The following ASMTL variants were observed in gnomAD, a reference collection of about 807,000 sequenced individuals.
ASMTL encodes the protein acetylserotonin O-methyltransferase like.
In ASMTL, 57 loss-of-function variants were observed where a neutral mutation model predicts 60.3. That is an observed-to-expected ratio of 0.95 (90% CI 0.76 to 1.18). ASMTL has a LOEUF of 1.18. Among genes scored for constraint, ASMTL ranks in the 50% most tolerant of loss-of-function variants. ASMTL has a pLI of 0.00. For synonymous variants in ASMTL, 419 were observed against 373.0 expected (o/e 1.12, Z -1.42); for missense variants, 981 against 852.6 (o/e 1.15, Z -1.88).
At chrX:1,404,341 GATGA>G (rs2089717274) in intron 12 of ASMTL, among the ~76,000 whole-genome samples, 1 of 151,096 alleles carries the variant, frequency 6.6e-6, no homozygotes, top group Non-Finnish European at 1.5e-5. Context: ...TGGATGGATA[GATGA>G]ATGCATGGAT....
intron 1 of ASMTL, among the ~76,000 whole-genome samples, chrX:1,443,613 G>A (rs868857735): frequency 0.019 from 77 of 3,974 alleles, 2 homozygotes; most frequent in Admixed American, 0.061. Context: ...CACCGCCATC[G>A]TGGACAGACA....
At chrX:1,413,072 C>A (rs1171813889) in intron 11 of ASMTL, 2 of 580,326 alleles carry the variant, frequency 3.4e-6, no homozygotes, top group Non-Finnish European at 6.2e-6. Flanking sequence ...TTGACTCGGG[C>A]TGAGAAAACG....
At chrX:1,429,898 C>G (rs1304446284) in intron 6 of ASMTL, among the ~76,000 whole-genome samples, 1 of 152,102 alleles carries the variant, frequency 6.6e-6, no homozygotes, top group African/African-American at 2.4e-5. Flanking sequence ...TGTACCTATT[C>G]TGTGTGTGTG....
intron 1 of ASMTL, among the ~76,000 whole-genome samples, chrX:1,449,726 TCACCAGTAACTATCC>T (rs2091309281): frequency 7.0e-5 from 8 of 114,162 alleles, no homozygotes; most frequent in African/African-American, 2.6e-4. Context: ...CTATCCACCA[TCACCAGTAACTATCC>T]CCCATCACCA....
upstream of ASMTL, among the ~76,000 whole-genome samples, chrX:1,453,226 C>T (rs111550929): frequency 0.14 from 20,802 of 149,298 alleles, 1,508 homozygotes; most frequent in Middle Eastern, 0.23. Flanking sequence ...GTCACGCCGC[C>T]ATTGACCGCT....
At chrX:1,430,563 G>GA (rs2090742458) in intron 6 of ASMTL, among the ~76,000 whole-genome samples, 1 of 151,894 alleles carries the variant, frequency 6.6e-6, no homozygotes, top group African/African-American at 2.4e-5. Flanking sequence ...CTGAGCCCAG[G>GA]AGTTCAAGAC....
chrX:1,424,865 CCCAT>C (rs1185160166), intron 8 of ASMTL, among the ~76,000 whole-genome samples: 4 of 134,426 alleles, frequency 3.0e-5, no homozygotes, highest in African/African-American at 7.9e-5. Flanking sequence ...CACCCACCCA[CCCAT>C]CCATCCACCC....
chrX:1,435,598 A>G (rs1337374249), intron 4 of ASMTL, 96 bp downstream of exon 4: 9 of 1,190,050 alleles, frequency 7.6e-6, no homozygotes, highest in Non-Finnish European at 1.1e-5. Context: ...CAGAGCTGAC[A>G]GAGATCCACC....
intron 3 of ASMTL, among the ~76,000 whole-genome samples, chrX:1,436,648 G>A (rs113255088): frequency 0.016 from 2,475 of 151,712 alleles, 29 homozygotes; most frequent in Middle Eastern, 0.024. Flanking sequence ...CACCGCACCC[G>A]GCCAGCCTCA....
chrX:1,432,330 C>G lies in ASMTL; in HGVS notation c.448G>C (p.Val150Leu). Residue 150 changes from valine to leucine, a missense_variant, in exon 6 of 13, where the codon GTG becomes CTG. By Grantham distance (32) the Val-to-Leu change is conservative (BLOSUM62 1). Coordinates refer to ENST00000381317, the MANE Select transcript of ASMTL (RefSeq NM_004192.4). ...TCCTCGGACAGCTCCGAGAACTTCA[C>G]CTTCGTTTCCTCGTAGAATTCCGAG... The part of the protein sequence containing the change: ...RVSEFYEETK[V>L]KFSELSEELL... The G allele has an allele frequency of 3.1e-6, 5 of 1,613,400 alleles. No homozygotes were observed. The highest frequency in any genetic ancestry group is 4.2e-6 in the Non-Finnish European group (5 of 1,179,796).
chrX:1,403,571 C>A (rs188304838), intron 12 of ASMTL, 82 bp from the exon 13 acceptor site: 17 of 1,312,576 alleles, frequency 1.3e-5, no homozygotes, highest in Non-Finnish European at 1.2e-5. Flanking sequence ...CAGCAGGCAA[C>A]AGGAGCTCAG....
At chrX:1,436,101 C>A (rs2090957175) in intron 3 of ASMTL, among the ~76,000 whole-genome samples, 1 of 152,144 alleles carries the variant, frequency 6.6e-6, no homozygotes, top group African/African-American at 2.4e-5. Context: ...ACGTGTGGTC[C>A]TCCGGGGCTG....
chrX:1,452,224 G>C (rs1273779148), intron 1 of ASMTL, among the ~76,000 whole-genome samples: 3 of 146,602 alleles, frequency 2.0e-5, no homozygotes, highest in Non-Finnish European at 4.5e-5. Flanking sequence ...GGGGGTCCCG[G>C]GTTACTCTCC....
intron 3 of ASMTL, among the ~76,000 whole-genome samples, chrX:1,438,052 G>T (rs2091016712): frequency 6.6e-6 from 1 of 151,898 alleles, no homozygotes; most frequent in South Asian, 2.1e-4. Flanking sequence ...ACTGTGGGAG[G>T]CTAAGGTGGG....
Position 1,442,229 on chromosome X carries a change from G to A in ASMTL, c.182C>T (p.Thr61Ile). The change falls in exon 2 of 13, where the codon ACC (threonine) becomes ATC (isoleucine). Residue 61 changes from threonine (T) to isoleucine (I), a missense_variant. Physicochemically the swap from Thr to Ile is moderately conservative, Grantham distance 89. Transcript: ENST00000381317. ...CACCTCCAGGGCCTTCTGCTTGGCGGTCTCCATGGCGTACCCATACGGAGT... is the reference window on the plus strand; with the variant it reads ...CACCTCCAGGGCCTTCTGCTTGGCGATCTCCATGGCGTACCCATACGGAGT... ...FATPYGYAME[T>I]AKQKALEVAN... 6.2e-7 allele frequency: 1 copy of A among 1,613,808 alleles called. No individual in the cohort carries two copies. The highest frequency in any genetic ancestry group is 1.1e-5 in the South Asian group (1 of 91,074).
intron 6 of ASMTL, among the ~76,000 whole-genome samples, chrX:1,431,130 TTATAATTATATA>T (rs1445239049): frequency 3.2e-5 from 4 of 123,714 alleles, no homozygotes; most frequent in African/African-American, 1.3e-4. Context: ...TATAATCATT[TTATAATTATATA>T]TATAATTATA....
At chrX:1,417,940 A>G (rs1179289017) in intron 11 of ASMTL, 33 bp downstream of exon 11, 2 of 1,575,642 alleles carry the variant, frequency 1.3e-6, no homozygotes, top group South Asian at 2.3e-5. Context: ...CAGTCTGGAA[A>G]AGGTTAGCAG....
chrX:1,446,734 C>T (rs1363087200), intron 1 of ASMTL, among the ~76,000 whole-genome samples: 6 of 152,028 alleles, frequency 3.9e-5, no homozygotes, highest in African/African-American at 9.7e-5. Flanking sequence ...CTCCTGACCT[C>T]GTGATCCGCC....
chrX:1,422,841 C>G (rs1474424672), intron 8 of ASMTL, among the ~76,000 whole-genome samples: 19 of 152,182 alleles, frequency 1.2e-4, no homozygotes, highest in Admixed American at 2.6e-4. Context: ...AGACGTGGAA[C>G]TGCTCCTAGG....
Sources: allele counts gnomAD v4.1 joint callset (sites outside exome capture counted in the v4.1 genomes callset), GRCh38; gene constraint gnomAD v4.1.1; transcripts MANE v1.5; gene names NCBI Gene and HGNC (gene_info 2026-07-23, HGNC 2026-07-21).